Variants in CSMD1 observed in about 807,000 individuals in gnomAD.
The protein encoded by CSMD1 is CUB and Sushi multiple domains 1, also known as CUB and sushi domain-containing protein 1.
CSMD1 carries 213 observed loss-of-function variants against 417.5 expected under a neutral mutation model. The ratio of observed to expected loss-of-function variants is 0.51; its 90% CI spans 0.46 to 0.57. CSMD1 has a LOEUF of 0.57. Among genes scored for constraint, CSMD1 ranks in the 20% least tolerant of loss-of-function variants. CSMD1 has a pLI of 0.00. For missense variants in CSMD1, 6,923 were observed against 4,529.7 expected (o/e 1.53, Z -15.17); for synonymous variants, 2,862 against 1,736.8 (o/e 1.65, Z -16.11).
intron 26 of CSMD1, among the ~76,000 whole-genome samples, chr8:3,238,980 G>T (rs146553682): frequency 6.6e-6 from 1 of 152,054 alleles, no homozygotes. Context: ...CAAGTTTTTT[G>T]GGGCACAGTC....
rs190491898 is a variant in CSMD1 at position 3,094,758 on chromosome 8, T to C, written c.7138+2091A>G. Among the ~76,000 whole-genome samples, 825 of 143,826 alleles carry C rather than the reference T, an allele frequency of 5.7e-3. 2 individuals carry two copies. The highest frequency in any genetic ancestry group is 9.5e-3 in the Non-Finnish European group (636 of 67,114). 94.4% of individuals were successfully genotyped at this position (143,826 alleles called of 152,430 possible). On this transcript the variant is annotated intron_variant, in intron 47 of 69. Transcript: ENST00000635120. The stretch of plus-strand genomic sequence containing the variant: ...AAGTATAAAATCAATATATTCAACA[T>C]GTTTTTTGGTCCACCTATGAACTAT...
chr8:4,093,965 A>ATAGATAG (rs1800856653), intron 3 of CSMD1, among the ~76,000 whole-genome samples: 5 of 136,864 alleles, frequency 3.7e-5, no homozygotes, highest in African/African-American at 8.0e-5. Context: ...CTACATCTCA[A>ATAGATAG]ATAGATAGAT....
chr8:3,425,953 G>A (rs1362728413), intron 12 of CSMD1, among the ~76,000 whole-genome samples: 1 of 152,038 alleles, frequency 6.6e-6, no homozygotes, highest in Non-Finnish European at 1.5e-5. Flanking sequence ...AATAAAAGGG[G>A]TTTTATCTCA....
intron 24 of CSMD1, 33 bp from the exon 25 acceptor site, chr8:3,307,854 G>C (rs370062891): frequency 6.2e-5 from 99 of 1,600,674 alleles, no homozygotes; most frequent in Non-Finnish European, 8.3e-5. Flanking sequence ...GGAACGTTCA[G>C]CTTCAGGCAT....
At chr8:4,719,695 A>C (rs370952291) in intron 1 of CSMD1, among the ~76,000 whole-genome samples, 3 of 152,318 alleles carry the variant, frequency 2.0e-5, no homozygotes, top group African/African-American at 7.2e-5. Flanking sequence ...AATTTGATTT[A>C]TGTATTTCAG....
intron 3 of CSMD1, among the ~76,000 whole-genome samples, chr8:4,379,312 G>C (rs1375119041): frequency 2.0e-5 from 3 of 152,134 alleles, no homozygotes; most frequent in Non-Finnish European, 1.5e-5. Context: ...GAAAGACAAG[G>C]AAAGACTAAT....
At chr8:4,924,745 A>AAAC (rs869281900) in intron 1 of CSMD1, among the ~76,000 whole-genome samples, 44 of 149,698 alleles carry the variant, frequency 2.9e-4, no homozygotes, top group African/African-American at 1.1e-3. Flanking sequence ...AAAAAAAAAA[A>AAAC]CCTACAAAAA....
chr8:4,913,892 G>A (rs147387980), intron 1 of CSMD1, among the ~76,000 whole-genome samples: 1 of 152,142 alleles, frequency 6.6e-6, no homozygotes, highest in Non-Finnish European at 1.5e-5. Flanking sequence ...CCCGATTACT[G>A]TGCATCCTTC....
At chr8:4,386,031 T>A (rs1803425696) in intron 3 of CSMD1, among the ~76,000 whole-genome samples, 2 of 152,202 alleles carry the variant, frequency 1.3e-5, no homozygotes, top group Non-Finnish European at 2.9e-5. Context: ...TCACTACGAT[T>A]TCTCCAGTCT....
At chr8:4,582,904 G>A (rs1488927908) in intron 2 of CSMD1, among the ~76,000 whole-genome samples, 1 of 152,216 alleles carries the variant, frequency 6.6e-6, no homozygotes, top group African/African-American at 2.4e-5. Context: ...CGTGGGCTTG[G>A]CTGGCCCCAC....
chr8:3,016,302 T>TAG (rs1230595496), intron 52 of CSMD1, among the ~76,000 whole-genome samples: 1 of 152,230 alleles, frequency 6.6e-6, no homozygotes, highest in African/African-American at 2.4e-5. Context: ...TCATCTATCT[T>TAG]AGAGTCATAC....
chr8:3,536,751 A>C (rs1798217346), intron 10 of CSMD1, among the ~76,000 whole-genome samples: 2 of 152,038 alleles, frequency 1.3e-5, no homozygotes, highest in African/African-American at 4.8e-5. Flanking sequence ...CCAATACCCA[A>C]AAGTGTCCAT....
intron 3 of CSMD1, among the ~76,000 whole-genome samples, chr8:4,399,890 C>T (rs1224059540): frequency 6.6e-6 from 1 of 152,166 alleles, no homozygotes; most frequent in Non-Finnish European, 1.5e-5. Context: ...TAAATATCAT[C>T]ATTTTAAGCT....
intron 1 of CSMD1, among the ~76,000 whole-genome samples, chr8:4,943,101 A>T (rs867176803): frequency 3.9e-5 from 6 of 152,310 alleles, no homozygotes; most frequent in South Asian, 4.1e-4. Flanking sequence ...GACTCCATAG[A>T]TTTTACAATT....
intron 1 of CSMD1, among the ~76,000 whole-genome samples, chr8:4,651,456 G>C (rs1012425774): frequency 6.6e-6 from 1 of 152,106 alleles, no homozygotes; most frequent in Non-Finnish European, 1.5e-5. Flanking sequence ...CTTGATTATA[G>C]TCATATACTG....
At chr8:3,523,952 C>T (rs998926841) in intron 10 of CSMD1, among the ~76,000 whole-genome samples, 1 of 151,528 alleles carries the variant, frequency 6.6e-6, no homozygotes, top group Non-Finnish European at 1.5e-5. Context: ...CACGTGCATA[C>T]ACATGCACAC....
At chr8:3,294,957 T>C (rs1410599485) in intron 25 of CSMD1, among the ~76,000 whole-genome samples, 3 of 152,122 alleles carry the variant, frequency 2.0e-5, no homozygotes, top group Admixed American at 1.3e-4. Flanking sequence ...TATTTGGCCA[T>C]CTTGGCTCCA....
Position 4,319,375 on chromosome 8 carries a change from A to C in CSMD1, c.415+100578T>G, listed in dbSNP as rs562088327. ...TTCCTTTTGCTGAATGTTTCTTTGA[A>C]ATACTGAGCCTCTGGGGCCCATAAT... On this transcript the variant is annotated intron_variant, in intron 3 of 69. Coordinates refer to ENST00000635120, the MANE Select transcript of CSMD1 (RefSeq NM_033225.6). 4.7e-4 allele frequency among the ~76,000 whole-genome samples: 71 copies of C among 152,234 alleles called. 1 individual carries two copies. The highest frequency in any genetic ancestry group is 1.7e-3 in the African/African-American group (69 of 41,544).
chr8:4,623,667 T>A (rs1801908208), intron 2 of CSMD1, among the ~76,000 whole-genome samples: 1 of 152,168 alleles, frequency 6.6e-6, no homozygotes, highest in Non-Finnish European at 1.5e-5. Flanking sequence ...ACCATTTTTA[T>A]ATGAAGAAAT....
Sources: gnomAD v4.1 joint callset for allele counts (sites outside exome capture counted in the v4.1 genomes callset) on GRCh38, gnomAD v4.1.1 for gene constraint, MANE v1.5 for transcripts, NCBI Gene and HGNC (gene_info 2026-07-23, HGNC 2026-07-21) for gene names.